ASIP: variants seen among roughly 807,000 people sequenced by gnomAD.
The protein encoded by ASIP is agouti signaling protein.
ASIP carries 11 observed loss-of-function variants against 10.3 expected under a neutral mutation model. The observed-to-expected ratio is 1.07, with a 90% CI of 0.68 to 1.78. ASIP has a LOEUF of 1.78. Among genes scored for constraint, ASIP ranks in the 40% most tolerant of loss-of-function variants. ASIP has a pLI of 0.00. For synonymous variants in ASIP, 70 were observed against 70.8 expected (o/e 0.99, Z 0.06); for missense variants, 180 against 169.2 (o/e 1.06, Z -0.35).
intron 1 of ASIP, among the ~76,000 whole-genome samples, chr20:34,209,820 A>T (rs1364947647): frequency 6.6e-6 from 1 of 152,134 alleles, no homozygotes; most frequent in East Asian, 1.9e-4. Context: ...CAGCAGTGGG[A>T]GGCAGACAGG....
chr20:34,268,774 T>C (rs1379304155), intron 3 of ASIP, among the ~76,000 whole-genome samples: 1 of 148,810 alleles, frequency 6.7e-6, no homozygotes, highest in East Asian at 2.0e-4. Flanking sequence ...AAACACAAAC[T>C]AGGGAGAAGA....
chr20:34,192,506 CT>C (rs939216507), upstream of ASIP, among the ~76,000 whole-genome samples: 3 of 146,424 alleles, frequency 2.0e-5, no homozygotes, highest in African/African-American at 8.0e-5. Flanking sequence ...TTTTCCTTTC[CT>C]TTTTTTTCTT....
upstream of ASIP, among the ~76,000 whole-genome samples, chr20:34,191,880 C>T (rs1333656934): frequency 6.6e-6 from 1 of 151,986 alleles, no homozygotes; most frequent in Non-Finnish European, 1.5e-5. Flanking sequence ...CAGGTGCCCA[C>T]CACCATGCCC....
At chr20:34,223,512 C>T (rs959226658) in intron 1 of ASIP, among the ~76,000 whole-genome samples, 4 of 151,266 alleles carry the variant, frequency 2.6e-5, no homozygotes, top group Non-Finnish European at 5.9e-5. Context: ...GTCAGCCCCC[C>T]CGCCCGGCCA....
intron 1 of ASIP, among the ~76,000 whole-genome samples, chr20:34,248,852 G>A (rs1417764246): frequency 6.6e-6 from 1 of 151,772 alleles, no homozygotes. Flanking sequence ...CCTCTCTGAA[G>A]GGGATGCCAC....
intron 1 of ASIP, among the ~76,000 whole-genome samples, chr20:34,243,665 G>A (rs2035318850): frequency 6.7e-6 from 1 of 149,176 alleles, no homozygotes; most frequent in South Asian, 2.1e-4. Context: ...TGCTCCACCA[G>A]TAATTCTATT....
At chr20:34,207,187 C>T (rs576286560) in intron 1 of ASIP, among the ~76,000 whole-genome samples, 1 of 152,242 alleles carries the variant, frequency 6.6e-6, no homozygotes, top group South Asian at 2.1e-4. Context: ...AATTTCTTTT[C>T]CTTCTTCCCA....
intron 1 of ASIP, among the ~76,000 whole-genome samples, chr20:34,250,487 G>A (rs567580839): frequency 6.6e-5 from 10 of 152,178 alleles, no homozygotes; most frequent in Non-Finnish European, 1.3e-4. Flanking sequence ...GGGCAACACA[G>A]TGAGATCACA....
chr20:34,258,943 T>C (rs1601610674), intron 1 of ASIP, among the ~76,000 whole-genome samples: 1 of 143,068 alleles, frequency 7.0e-6, no homozygotes, highest in Non-Finnish European at 1.5e-5. Context: ...CAAATATGGC[T>C]GAGTGGTGGC....
the ASIP span, among the ~76,000 whole-genome samples, chr20:34,189,268 G>A: frequency 6.6e-5 from 10 of 151,682 alleles, no homozygotes; most frequent in Non-Finnish European, 1.5e-4. Context: ...TTGAGATGGA[G>A]TTTTGCTCTT....
chr20:34,200,894 T>C (rs1424776113), intron 1 of ASIP, among the ~76,000 whole-genome samples: 3 of 152,210 alleles, frequency 2.0e-5, no homozygotes, highest in Non-Finnish European at 4.4e-5. Flanking sequence ...TTATGCTTTT[T>C]AGATTTTGGT....
intron 1 of ASIP, chr20:34,246,059 C>T: frequency 1.1e-6 from 1 of 891,448 alleles, no homozygotes; most frequent in Non-Finnish European, 1.9e-6. Context: ...CGAATAATTT[C>T]ATCCTCCCCA....
At chr20:34,267,917 T>A (rs975578733) in intron 3 of ASIP, among the ~76,000 whole-genome samples, 3 of 151,074 alleles carry the variant, frequency 2.0e-5, no homozygotes, top group Admixed American at 6.6e-5. Context: ...CATTTCAATA[T>A]GTGATTAATT....
At chr20:34,215,931 C>G in intron 1 of ASIP, 1 of 806,526 alleles carries the variant, frequency 1.2e-6, no homozygotes. Context: ...TTATAATAGG[C>G]TTGCCCTCTG....
chr20:34,223,448 G>A (rs1212488334), intron 1 of ASIP, among the ~76,000 whole-genome samples: 1 of 151,918 alleles, frequency 6.6e-6, no homozygotes, highest in African/African-American at 2.4e-5. Flanking sequence ...CCCCATCTGG[G>A]AAGTGAGGAG....
chr20:34,219,865 G>A (rs6087563), intron 1 of ASIP, among the ~76,000 whole-genome samples: 17,311 of 151,644 alleles, frequency 0.11, 1,047 homozygotes, highest in South Asian at 0.2. Flanking sequence ...CGAGGCAGGC[G>A]GATCATGAGG....
chr20:34,200,883 T>C lies in ASIP; in HGVS notation c.-11+6123T>C, dbSNP rs1247225367. On this transcript the variant is annotated intron_variant, in intron 1 of 3. Transcript: ENST00000568305. The stretch of plus-strand genomic sequence containing the variant: ...ATGCCTTTTACATTTGGACACATAG[T>C]TTATGCTTTTTAGATTTTGGTTGCT... Among the ~76,000 whole-genome samples, 3 of 152,286 alleles carry C rather than the reference T, an allele frequency of 2.0e-5. No homozygotes were observed. In the East Asian group the frequency reaches 5.8e-4, roughly 29 times the overall value.
intron 1 of ASIP, among the ~76,000 whole-genome samples, chr20:34,252,201 A>G (rs2035487914): frequency 6.6e-6 from 1 of 152,240 alleles, no homozygotes; most frequent in African/African-American, 2.4e-5. Context: ...GAGACAAAGT[A>G]TAGAGAAAGA....
chr20:34,236,081 AGAAG>A (rs57903059), intron 1 of ASIP, among the ~76,000 whole-genome samples: 15,917 of 143,428 alleles, frequency 0.11, 889 homozygotes, highest in South Asian at 0.19. Flanking sequence ...AAAGAGAAAG[AGAAG>A]GAAGGAAGGA....
Sources: allele counts gnomAD v4.1 joint callset (sites outside exome capture counted in the v4.1 genomes callset), GRCh38; gene constraint gnomAD v4.1.1; transcripts MANE v1.5; gene names NCBI Gene and HGNC (gene_info 2026-07-23, HGNC 2026-07-21).